Variants in AFF1 observed in about 807,000 individuals in gnomAD.
The protein encoded by AFF1 is AF4/FMR2 family member 1.
Under a neutral mutation model 121.7 loss-of-function variants are expected in AFF1, and 48 were observed. That is an observed-to-expected ratio of 0.39 (90% confidence interval 0.31 to 0.50). The LOEUF (loss-of-function observed/expected upper bound fraction) is 0.50. Among genes scored for constraint, AFF1 ranks in the 20% least tolerant of loss-of-function variants. The pLI is 0.76. For missense variants in AFF1, 1,523 were observed against 1,511.7 expected (o/e 1.01, Z -0.12); for synonymous variants, 613 against 563.0 (o/e 1.09, Z -1.26).
intron 2 of AFF1, among the ~76,000 whole-genome samples, chr4:87,038,122 G>A (rs2149595721): frequency 6.6e-6 from 1 of 152,260 alleles, no homozygotes; most frequent in Non-Finnish European, 1.5e-5. Flanking sequence ...CATTGTAGTT[G>A]GCTGATATTT....
At chr4:86,995,099 G>A (rs1411215646) in intron 2 of AFF1, among the ~76,000 whole-genome samples, 1 of 152,126 alleles carries the variant, frequency 6.6e-6, no homozygotes, top group Non-Finnish European at 1.5e-5. Context: ...CAGGTGTGGT[G>A]TTGTGTGCCT....
chr4:87,126,215 A>G lies in AFF1; in HGVS notation c.2690A>G (p.Asp897Gly), dbSNP rs145328604. 44 of 1,614,038 alleles carry G rather than the reference A, an allele frequency of 2.7e-5. No homozygotes were observed. Among genetic ancestry groups the G allele is most frequent in the Non-Finnish European group, 3.6e-5 (42 of 1,180,042 alleles). The change falls in exon 14 of 21, where the codon GAC becomes GGC. Residue 897 changes from aspartate to glycine, a missense_variant. Physicochemically the swap from Asp to Gly is moderately conservative, Grantham distance 94. Around this residue, in one of 5 missense-constraint regions of AFF1, gnomAD observed 905 missense variants for 842.5 expected, o/e 1.07. Transcript: ENST00000395146. The part of the protein sequence containing the change: ...PALKRSRREA[D>G]TCGQDPPKSA... ...CTTAAGAGGTCAAGGCGGGAAGCAGACACCTGTGGCCAGGACCCTCCCAAA... is the reference window on the plus strand; with the variant it reads ...CTTAAGAGGTCAAGGCGGGAAGCAGGCACCTGTGGCCAGGACCCTCCCAAA...
chr4:86,949,767 T>C, intron 2 of AFF1: 1 of 1,612,328 alleles, frequency 6.2e-7, no homozygotes, highest in Non-Finnish European at 8.5e-7. Flanking sequence ...GTCATCTGGG[T>C]GAAGCCCACC....
chr4:86,951,814 C>T (rs576883075), intron 2 of AFF1, among the ~76,000 whole-genome samples: 1 of 151,794 alleles, frequency 6.6e-6, no homozygotes, highest in Admixed American at 6.6e-5. Context: ...ACGGGTTTCA[C>T]CATGTTGGCC....
chr4:86,938,851 G>C (rs1720244513), intron 1 of AFF1, among the ~76,000 whole-genome samples: 1 of 152,272 alleles, frequency 6.6e-6, no homozygotes, highest in Admixed American at 6.5e-5. Flanking sequence ...GTATGCCTTA[G>C]GACAGAACTT....
chr4:87,136,932 T>C lies in AFF1; in HGVS notation c.*1231T>C, dbSNP rs1729349600. Reference sequence around the variant, plus strand: ...ATCACCACATGCCTTCACTCCAGAGTGTTCTCAGCTAGATTTGATTTGGTT... The same window carrying C: ...ATCACCACATGCCTTCACTCCAGAGCGTTCTCAGCTAGATTTGATTTGGTT... On this transcript the variant is annotated 3_prime_UTR_variant, in exon 21 of 21. Coordinates refer to ENST00000395146, the MANE Select transcript of AFF1 (RefSeq NM_001166693.3). The C allele has an allele frequency of 9.1e-6, 2 of 220,884 alleles. No individual in the cohort carries two copies. The highest frequency in any genetic ancestry group is 1.8e-5 in the Non-Finnish European group (2 of 110,316). The allele number at this position is 220,884 out of a possible 1,614,324, so 13.7% of individuals were successfully genotyped here. A position where few individuals can be genotyped will look rare whatever the true frequency, so the allele number is the denominator to read the frequency against.
intron 1 of AFF1, among the ~76,000 whole-genome samples, chr4:86,945,497 ATTTTTTTTTTTTT>A (rs34305215): frequency 1.2e-5 from 1 of 86,632 alleles, no homozygotes; most frequent in African/African-American, 5.2e-5. Context: ...GCCTTTCCCA[ATTTTTTTTTTTTT>A]TTTTTTTTTT....
intron 2 of AFF1, among the ~76,000 whole-genome samples, chr4:86,996,552 TC>T (rs1725221311): frequency 6.6e-6 from 1 of 150,610 alleles, no homozygotes; most frequent in Non-Finnish European, 1.5e-5. Context: ...TCATCACCAC[TC>T]CCTAATCTCA....
intron 2 of AFF1, among the ~76,000 whole-genome samples, chr4:87,022,851 CAAT>C (rs1308069919): frequency 6.6e-6 from 1 of 151,236 alleles, no homozygotes; most frequent in African/African-American, 2.4e-5. Flanking sequence ...AGCATTGCCT[CAAT>C]AAGTAACGTT....
At chr4:86,964,317 G>A (rs1314492210) in intron 2 of AFF1, among the ~76,000 whole-genome samples, 1 of 150,874 alleles carries the variant, frequency 6.6e-6, no homozygotes, top group Non-Finnish European at 1.5e-5. Flanking sequence ...TAGAGATGGG[G>A]TGTTGGCCAG....
At chr4:87,110,233 A>C (rs759459089) in intron 11 of AFF1, among the ~76,000 whole-genome samples, 1 of 151,536 alleles carries the variant, frequency 6.6e-6, no homozygotes, top group Admixed American at 6.6e-5. Flanking sequence ...TAATAGTTGT[A>C]TATATGAGTG....
intron 5 of AFF1, among the ~76,000 whole-genome samples, chr4:87,086,818 A>G (rs1723785627): frequency 6.6e-6 from 1 of 152,146 alleles, no homozygotes; most frequent in African/African-American, 2.4e-5. Flanking sequence ...CCAAACACAA[A>G]TCTTTCTGAT....
At chr4:87,007,357 C>T (rs1042446923) in intron 2 of AFF1, 32 of 1,611,934 alleles carry the variant, frequency 2.0e-5, no homozygotes, top group African/African-American at 2.7e-5. Context: ...GCAGGGCCCG[C>T]GGGGTGAAGG....
chr4:87,102,845 C>T (rs1725558809), intron 8 of AFF1, among the ~76,000 whole-genome samples: 1 of 152,134 alleles, frequency 6.6e-6, no homozygotes, highest in South Asian at 2.1e-4. Flanking sequence ...AGGTGCTCAC[C>T]CAGGTGTGCT....
intron 2 of AFF1, among the ~76,000 whole-genome samples, chr4:87,002,076 A>G (rs1015380839): frequency 1.3e-5 from 2 of 151,650 alleles, no homozygotes; most frequent in Non-Finnish European, 2.9e-5. Context: ...GAATAAGGCA[A>G]CCTGTTTAAA....
chr4:86,965,174 A>G (rs1351193519), intron 2 of AFF1, among the ~76,000 whole-genome samples: 1 of 152,248 alleles, frequency 6.6e-6, no homozygotes, highest in Non-Finnish European at 1.5e-5. Context: ...TTGTTGACTC[A>G]ACTGTTGAAA....
chr4:87,053,096 AT>A (rs1298831733), intron 4 of AFF1, among the ~76,000 whole-genome samples: 1 of 152,190 alleles, frequency 6.6e-6, no homozygotes, highest in Non-Finnish European at 1.5e-5. Flanking sequence ...ACTGAAAATA[AT>A]TTGGGATTTG....
intron 2 of AFF1, among the ~76,000 whole-genome samples, chr4:87,001,207 C>CTTTT (rs34072831): frequency 0.21 from 12,653 of 60,184 alleles, 4,773 homozygotes; most frequent in Non-Finnish European, 0.28. Flanking sequence ...CCTTTTTCTA[C>CTTTT]TTTTTTTTTT....
intron 2 of AFF1, among the ~76,000 whole-genome samples, chr4:87,038,713 G>A (rs945687051): frequency 6.6e-6 from 1 of 152,150 alleles, no homozygotes; most frequent in Admixed American, 6.5e-5. Context: ...AATCAGAATG[G>A]CATAGTGCTT....
Sources: gnomAD v4.1 joint callset for allele counts (sites outside exome capture counted in the v4.1 genomes callset) on GRCh38, gnomAD v4.1.1 for gene constraint, gnomAD v4.1.1 regional missense constraint, MANE v1.5 for transcripts, NCBI Gene and HGNC (gene_info 2026-07-23, HGNC 2026-07-21) for gene names.